Variants in BAZ2B observed in about 807,000 individuals in gnomAD.
BAZ2B encodes bromodomain adjacent to zinc finger domain protein 2B.
BAZ2B carries 91 observed loss-of-function variants against 246.0 expected under a neutral mutation model. That is an observed-to-expected ratio of 0.37 (90% CI 0.31 to 0.44). The LOEUF (loss-of-function observed/expected upper bound fraction) is 0.44. Among genes scored for constraint, BAZ2B ranks in the 20% least tolerant of loss-of-function variants. The pLI is 1.00. For missense variants in BAZ2B, 2,332 were observed against 2,533.7 expected, an observed-to-expected ratio of 0.92 and a Z score of 1.71; for synonymous variants, 855 against 860.0, an observed-to-expected ratio of 0.99 and a Z score of 0.10.
chr2:159,324,175 A>G (rs1385615619), intron 36 of BAZ2B, among the ~76,000 whole-genome samples: 1 of 152,120 alleles, frequency 6.6e-6, no homozygotes, highest in East Asian at 1.9e-4. Flanking sequence ...TAATTAAAAT[A>G]TATATTGTAT....
rs752085908 is a variant in BAZ2B, at chr2:159,430,888, GGAA to G, written c.2166_2168del (p.Ser723del). 90 of 1,613,714 alleles carry G rather than the reference GGAA, an allele frequency of 5.6e-5. No homozygotes were observed. The African/African-American group carries it at 1.1e-3, about 19-fold the overall frequency. ...CAGAGTGTGGGCTTGAAGTAAGTGTGGAAGAAGATGTACCAAGAAAAGCAGGTG... is the reference window on the plus strand; with the variant it reads ...CAGAGTGTGGGCTTGAAGTAAGTGTGGAAGATGTACCAAGAAAAGCAGGTG... On this transcript the variant is annotated inframe_deletion, in exon 10 of 37. Transcript: ENST00000392783.
intron 1 of BAZ2B, among the ~76,000 whole-genome samples, chr2:159,605,590 C>T (rs938833786): frequency 1.3e-5 from 2 of 151,784 alleles, no homozygotes; most frequent in Admixed American, 6.6e-5. Context: ...TCACAGAACA[C>T]TTCATTATAA....
At chr2:159,660,475 A>C in the BAZ2B span, among the ~76,000 whole-genome samples, 1 of 152,148 alleles carries the variant, frequency 6.6e-6, no homozygotes, top group African/African-American at 2.4e-5. Flanking sequence ...GCATATACCT[A>C]GTTGTAGATG....
intron 24 of BAZ2B, 136 bp from the exon 25 acceptor site, chr2:159,382,938 A>C (rs2062173573): frequency 1.7e-6 from 2 of 1,204,628 alleles, no homozygotes; most frequent in Non-Finnish European, 2.2e-6. Context: ...ATGTTAAAAA[A>C]AATTAGAATT....
At chr2:159,561,067 T>A (rs2089812083) in intron 1 of BAZ2B, among the ~76,000 whole-genome samples, 1 of 152,178 alleles carries the variant, frequency 6.6e-6, no homozygotes, top group Non-Finnish European at 1.5e-5. Flanking sequence ...CTGTCCAATA[T>A]ATACCTGCTA....
rs760907722 is a variant in BAZ2B at position 159,412,371 on chromosome 2, C to G, written c.2641G>C (p.Ala881Pro). Residue 881 changes from alanine to proline, a missense_variant, in exon 14 of 37, where the codon GCA becomes CCA. This residue lies in a region of BAZ2B where 651 missense variants were observed against 650.9 expected (regional missense o/e 1.00). Coordinates refer to ENST00000392783, the MANE Select transcript of BAZ2B (RefSeq NM_013450.4). ...AGTTTTCTTAGCAACTTTGCATCTG[C>G]GTTATCTAGGAATTCAGCATTGCCA... ...NVGNAEFLDN[A>P]DAKLLRKLQA... 1 of 1,614,116 alleles carries G rather than the reference C, an allele frequency of 6.2e-7. No homozygotes were observed. The highest frequency in any genetic ancestry group is 8.5e-7 in the Non-Finnish European group (1 of 1,180,010).
chr2:159,676,157 C>T, the BAZ2B span, among the ~76,000 whole-genome samples: 69,399 of 151,606 alleles, frequency 0.46, 16,710 homozygotes, highest in Middle Eastern at 0.64. Context: ...CCTCCCAAAG[C>T]GCTGGGATTA....
the BAZ2B span, among the ~76,000 whole-genome samples, chr2:159,652,609 G>A: frequency 1.3e-5 from 2 of 152,108 alleles, no homozygotes; most frequent in East Asian, 3.9e-4. Flanking sequence ...TGTTGAGCAT[G>A]CAAGAAATAT....
intron 4 of BAZ2B, among the ~76,000 whole-genome samples, chr2:159,452,059 T>C (rs917305576): frequency 1.3e-5 from 2 of 152,154 alleles, no homozygotes; most frequent in African/African-American, 4.8e-5. Context: ...ACTGAATAAA[T>C]TCCTATTAAT....
the BAZ2B span, among the ~76,000 whole-genome samples, chr2:159,635,366 T>C: frequency 6.7e-6 from 1 of 150,184 alleles, no homozygotes; most frequent in South Asian, 2.1e-4. Context: ...AAAAAAAAAA[T>C]AAAAATAAAA....
the BAZ2B span, among the ~76,000 whole-genome samples, chr2:159,636,392 T>G: frequency 2.5e-3 from 382 of 152,208 alleles, no homozygotes; most frequent in African/African-American, 8.7e-3. Context: ...CCTGGGAGAA[T>G]TATACTGAAC....
chr2:159,491,720 CAAAAAAA>C lies in BAZ2B; in HGVS notation c.-2-13006_-2-13000del, dbSNP rs773067675. On this transcript the variant is annotated intron_variant, in intron 2 of 36. Coordinates refer to ENST00000392783, the MANE Select transcript of BAZ2B (RefSeq NM_013450.4). Reference sequence around the variant, plus strand: ...CGGGCGACAGAGCGAGACTCCGTCTCAAAAAAAAAAAAAAAAAAAAAAAAAAGTCTTC... The same window carrying C: ...CGGGCGACAGAGCGAGACTCCGTCTCAAAAAAAAAAAAAAAAAAAGTCTTC... Among the ~76,000 whole-genome samples the C allele has an allele frequency of 1.7e-3, 51 of 29,556 alleles. 1 individual carries two copies. Among genetic ancestry groups the C allele is most frequent in the African/African-American group, 8.1e-3 (37 of 4,584 alleles). 19.4% of individuals were successfully genotyped at this position (29,556 alleles called of 152,430 possible). A position where few individuals can be genotyped will look rare whatever the true frequency, so the allele number is the denominator to read the frequency against.
chr2:159,568,953 G>A (rs534425006), intron 1 of BAZ2B, among the ~76,000 whole-genome samples: 1 of 152,136 alleles, frequency 6.6e-6, no homozygotes, highest in African/African-American at 2.4e-5. Flanking sequence ...CTATTTACAA[G>A]TTTTCCCTCA....
chr2:159,588,405 T>G (rs1284663910), intron 1 of BAZ2B, among the ~76,000 whole-genome samples: 1 of 151,922 alleles, frequency 6.6e-6, no homozygotes, highest in Non-Finnish European at 1.5e-5. Flanking sequence ...ATGCCTGTAA[T>G]CTCAACACTT....
intron 13 of BAZ2B, among the ~76,000 whole-genome samples, chr2:159,426,801 A>G (rs974710466): frequency 2.0e-5 from 3 of 152,146 alleles, no homozygotes; most frequent in Non-Finnish European, 4.4e-5. Context: ...CCAAACTCAA[A>G]ATAAACCTCT....
At chr2:159,329,958 T>C (rs2064426693) in intron 34 of BAZ2B, among the ~76,000 whole-genome samples, 1 of 152,192 alleles carries the variant, frequency 6.6e-6, no homozygotes, top group Non-Finnish European at 1.5e-5. Flanking sequence ...CATAGAGTAT[T>C]AGAGAAACTT....
chr2:159,611,012 TG>T (rs1202031371), intron 1 of BAZ2B, among the ~76,000 whole-genome samples: 1 of 152,026 alleles, frequency 6.6e-6, no homozygotes, highest in Non-Finnish European at 1.5e-5. Flanking sequence ...TCAATAAACA[TG>T]TGGCCAATAT....
chr2:159,389,323 G>A, intron 21 of BAZ2B, 22 bp downstream of exon 21: 1 of 1,548,936 alleles, frequency 6.5e-7, no homozygotes, highest in Non-Finnish European at 8.7e-7. Flanking sequence ...GAATGAAATG[G>A]TGTACATGAC....
chr2:159,353,432 T>C (rs1559076504), intron 27 of BAZ2B, among the ~76,000 whole-genome samples: 1 of 152,160 alleles, frequency 6.6e-6, no homozygotes, highest in African/African-American at 2.4e-5. Flanking sequence ...GCTTCTAGGA[T>C]ACAACAATAA....
Sources: allele counts gnomAD v4.1 joint callset (sites outside exome capture counted in the v4.1 genomes callset), GRCh38; gene constraint gnomAD v4.1.1; regional missense constraint gnomAD v4.1.1; transcripts MANE v1.5; gene names NCBI Gene and HGNC (gene_info 2026-07-23, HGNC 2026-07-21).